ZFHX3: variants seen among roughly 807,000 people sequenced by gnomAD.
The protein encoded by ZFHX3 is zinc finger homeobox protein 3.
A neutral mutation model predicts 279.1 loss-of-function variants in ZFHX3; 42 were observed. The ratio of observed to expected loss-of-function variants is 0.15; its 90% CI spans 0.12 to 0.19. ZFHX3 has a LOEUF of 0.19. Among genes scored for constraint, ZFHX3 ranks in the 10% least tolerant of loss-of-function variants. The probability of loss-of-function intolerance (pLI) is 1.00; values close to 1 mark genes in which losing one functional copy is unlikely to be tolerated. For synonymous variants in ZFHX3, 2,293 were observed against 1,957.8 expected (o/e 1.17, Z -4.52); for missense variants, 4,981 against 4,754.0 (o/e 1.05, Z -1.40).
chr16:73,580,344 G>C (rs147542742), intron 2 of ZFHX3, among the ~76,000 whole-genome samples: 4 of 151,986 alleles, frequency 2.6e-5, no homozygotes, highest in Non-Finnish European at 5.9e-5. Flanking sequence ...TGGGTGCGGC[G>C]GCGCACGCCT....
intron 1 of ZFHX3, among the ~76,000 whole-genome samples, chr16:73,786,005 G>A (rs1159222908): frequency 1.3e-5 from 2 of 151,930 alleles, no homozygotes; most frequent in Non-Finnish European, 2.9e-5. Flanking sequence ...TGAGTAGGTG[G>A]GATTACAGGC....
At chr16:73,361,937 A>G (rs770867408) in intron 3 of ZFHX3, among the ~76,000 whole-genome samples, 4 of 152,168 alleles carry the variant, frequency 2.6e-5, no homozygotes, top group East Asian at 1.9e-4. Flanking sequence ...ACTTGCCCCA[A>G]TCAGGCAGCC....
intron 3 of ZFHX3, among the ~76,000 whole-genome samples, chr16:72,911,713 T>C (rs2144188988): frequency 6.6e-6 from 1 of 152,362 alleles, no homozygotes; most frequent in East Asian, 1.9e-4. Context: ...ACTAGCCACA[T>C]TTCAAGTGCT....
At chr16:73,667,065 C>T (rs983773818) in intron 2 of ZFHX3, among the ~76,000 whole-genome samples, 2 of 151,956 alleles carry the variant, frequency 1.3e-5, no homozygotes, top group Non-Finnish European at 2.9e-5. Context: ...CATCTCGGCT[C>T]ACTACAACCT....
chr16:73,867,022 G>A (rs1449452597), intron 1 of ZFHX3, among the ~76,000 whole-genome samples: 1 of 151,980 alleles, frequency 6.6e-6, no homozygotes, highest in Admixed American at 6.6e-5. Flanking sequence ...TGCTTGGGCT[G>A]GGCTATGTCC....
intron 1 of ZFHX3, among the ~76,000 whole-genome samples, chr16:73,845,684 G>A (rs755202711): frequency 2.6e-5 from 4 of 152,154 alleles, no homozygotes; most frequent in Non-Finnish European, 5.9e-5. Flanking sequence ...TCCAACATGC[G>A]TTGTCATGGA....
At chr16:73,031,607 A>G (rs902249624) in intron 1 of ZFHX3, among the ~76,000 whole-genome samples, 69 of 152,342 alleles carry the variant, frequency 4.5e-4, no homozygotes, top group African/African-American at 1.5e-3. Flanking sequence ...GACAAAAACA[A>G]TAACTCACTA....
intron 7 of ZFHX3, among the ~76,000 whole-genome samples, chr16:72,805,809 C>G (rs2143539170): frequency 6.6e-6 from 1 of 152,294 alleles, no homozygotes; most frequent in East Asian, 1.9e-4. Flanking sequence ...TTACAGTCTT[C>G]TACATATGCC....
intron 1 of ZFHX3, among the ~76,000 whole-genome samples, chr16:73,793,297 G>T (rs1192895781): frequency 6.6e-6 from 1 of 152,220 alleles, no homozygotes; most frequent in Non-Finnish European, 1.5e-5. Flanking sequence ...TACATTGACT[G>T]TTGACCAATC....
chr16:73,589,238 C>T (rs147073183), intron 2 of ZFHX3, among the ~76,000 whole-genome samples: 1,979 of 105,610 alleles, frequency 0.019, 63 homozygotes, highest in East Asian at 0.12. Flanking sequence ...CCAGCCTGGG[C>T]GACAGAGCAA....
At chr16:73,155,375 G>A (rs1206327922) in intron 5 of ZFHX3, among the ~76,000 whole-genome samples, 1 of 152,102 alleles carries the variant, frequency 6.6e-6, no homozygotes, top group African/African-American at 2.4e-5. Flanking sequence ...GCAACTCCCA[G>A]ACAGCAAGGA....
intron 5 of ZFHX3, among the ~76,000 whole-genome samples, chr16:73,176,548 G>T (rs1032105789): frequency 2.0e-5 from 3 of 151,896 alleles, no homozygotes; most frequent in Non-Finnish European, 4.4e-5. Flanking sequence ...ATACCAAGAT[G>T]GAAAATGCCC....
chr16:72,930,850 T>A (rs950389028), intron 3 of ZFHX3, among the ~76,000 whole-genome samples: 2 of 152,182 alleles, frequency 1.3e-5, no homozygotes, highest in African/African-American at 4.8e-5. Context: ...TCATAAAATG[T>A]AAAATGTGGT....
At chr16:73,515,084 G>A (rs917355955) in intron 2 of ZFHX3, among the ~76,000 whole-genome samples, 2 of 152,184 alleles carry the variant, frequency 1.3e-5, no homozygotes, top group African/African-American at 4.8e-5. Context: ...CTCCTTCCCA[G>A]AATGTTTAGA....
At chr16:73,466,056 A>G (rs1208066487) in intron 2 of ZFHX3, among the ~76,000 whole-genome samples, 1 of 152,130 alleles carries the variant, frequency 6.6e-6, no homozygotes, top group Non-Finnish European at 1.5e-5. Context: ...TGAAGATTCC[A>G]GTATGAAAAA....
chr16:73,867,050 C>T (rs920254307), intron 1 of ZFHX3, among the ~76,000 whole-genome samples: 1 of 152,036 alleles, frequency 6.6e-6, no homozygotes, highest in African/African-American at 2.4e-5. Context: ...AGAGGCATCC[C>T]ATAGACTGAG....
At chr16:72,979,978 C>G (rs947425404) in intron 1 of ZFHX3, among the ~76,000 whole-genome samples, 1 of 152,186 alleles carries the variant, frequency 6.6e-6, no homozygotes, top group Non-Finnish European at 1.5e-5. Context: ...AATTTCTCAA[C>G]TGCTGAGAAT....
At chr16:72,926,974 C>T (rs986627123) in intron 3 of ZFHX3, among the ~76,000 whole-genome samples, 5 of 152,222 alleles carry the variant, frequency 3.3e-5, no homozygotes, top group Non-Finnish European at 7.3e-5. Flanking sequence ...GGTCAGGAGA[C>T]AGAGAACAGG....
At chr16:73,335,497 TG>T (rs1314897212) in intron 3 of ZFHX3, among the ~76,000 whole-genome samples, 6 of 152,220 alleles carry the variant, frequency 3.9e-5, no homozygotes, top group African/African-American at 1.4e-4. Flanking sequence ...AAGGCACTGA[TG>T]TAACCATCCA....
Sources: gnomAD v4.1 joint callset for allele counts (sites outside exome capture counted in the v4.1 genomes callset) on GRCh38, gnomAD v4.1.1 for gene constraint, MANE v1.5 for transcripts, NCBI Gene and HGNC (gene_info 2026-07-23, HGNC 2026-07-21) for gene names.